The following CRACD variants were observed in gnomAD, a reference collection of about 807,000 sequenced individuals.
CRACD encodes capping protein inhibiting regulator of actin dynamics, also known as capping protein-inhibiting regulator of actin dynamics.
CRACD carries 56 observed loss-of-function variants against 106.8 expected under a neutral mutation model. That is an observed-to-expected ratio of 0.52 (90% CI 0.42 to 0.66). CRACD has a LOEUF of 0.66. CRACD is among the 30% of genes least tolerant of loss of function. The pLI, the probability that CRACD is intolerant of heterozygous loss-of-function variation, is 0.00. For synonymous variants in CRACD, 754 were observed against 670.8 expected, an observed-to-expected ratio of 1.12 and a Z score of -1.92; for missense variants, 1,730 against 1,623.2, an observed-to-expected ratio of 1.07 and a Z score of -1.13.
intron 9 of CRACD, 95 bp from the exon 10 acceptor site, chr4:56,324,009 G>C (rs1036487534): frequency 6.6e-6 from 9 of 1,373,410 alleles, no homozygotes; most frequent in African/African-American, 1.4e-5. Context: ...CAGAGGTCAG[G>C]GGCTGGCAGG....
chr4:56,152,191 T>G (rs1467733503), intron 1 of CRACD, among the ~76,000 whole-genome samples: 1 of 151,380 alleles, frequency 6.6e-6, no homozygotes, highest in Non-Finnish European at 1.5e-5. Context: ...TTGTATTTTT[T>G]TTTTTTTAGT....
intron 1 of CRACD, among the ~76,000 whole-genome samples, chr4:56,132,949 G>A (rs1734878187): frequency 6.6e-6 from 1 of 152,168 alleles, no homozygotes; most frequent in Non-Finnish European, 1.5e-5. Flanking sequence ...CCTCTGTGAG[G>A]CCAAGAGGCA....
At chr4:56,252,870 A>T (rs1024345343) in intron 2 of CRACD, among the ~76,000 whole-genome samples, 5 of 152,184 alleles carry the variant, frequency 3.3e-5, no homozygotes, top group Non-Finnish European at 5.9e-5. Context: ...TAAGAGTAGA[A>T]CCTCAGGACT....
At chr4:56,298,020 A>G (rs1213262384) in intron 3 of CRACD, 194 bp from the exon 4 acceptor site, 3 of 540,122 alleles carry the variant, frequency 5.6e-6, no homozygotes, top group African/African-American at 3.8e-5. Flanking sequence ...AACCAGGGCT[A>G]TGTAAGAGAT....
chr4:56,323,496 C>T lies in CRACD; in HGVS notation c.3307C>T (p.Gln1103Ter), dbSNP rs1746237582. 2 of 1,608,766 alleles carry T rather than the reference C, an allele frequency of 1.2e-6. No individual in the cohort carries two copies. Among genetic ancestry groups the T allele is most frequent in the Non-Finnish European group, 1.7e-6 (2 of 1,178,592 alleles). ...ALQKQKGFRE[Q>*]QATREERKQA... ...GCAAAAGCAAAAGGGGTTTCGGGAGCAGCAGGCGACGCGGGAGGAGAGAAA... is the reference window on the plus strand; with the variant it reads ...GCAAAAGCAAAAGGGGTTTCGGGAGTAGCAGGCGACGCGGGAGGAGAGAAA... Residue 1103 changes from glutamine to a stop codon, truncating the protein, a stop_gained, in exon 9 of 11, where the codon CAG becomes TAG. Transcript: ENST00000682029. LOFTEE classifies it high-confidence loss of function.
At chr4:56,190,945 A>T (rs1052577042) in intron 2 of CRACD, among the ~76,000 whole-genome samples, 1 of 152,000 alleles carries the variant, frequency 6.6e-6, no homozygotes. Flanking sequence ...TGATGCAATC[A>T]CCTCCTACCA....
At chr4:56,291,412 C>T (rs1331575519) in intron 3 of CRACD, among the ~76,000 whole-genome samples, 1 of 152,160 alleles carries the variant, frequency 6.6e-6, no homozygotes, top group Non-Finnish European at 1.5e-5. Flanking sequence ...ACCATGGTTC[C>T]ACCAAGCTCT....
intron 2 of CRACD, among the ~76,000 whole-genome samples, chr4:56,266,471 C>T (rs1203393344): frequency 1.3e-5 from 2 of 152,170 alleles, no homozygotes; most frequent in Non-Finnish European, 2.9e-5. Context: ...GCCCAACCAC[C>T]CAGCAAAAGT....
In CRACD at chr4:56,315,332, G is replaced by C; in HGVS notation, c.1830G>C (p.Leu610=). Residue 610 remains leucine, a synonymous_variant, in exon 8 of 11, where the codon CTG becomes CTC. Coordinates refer to ENST00000682029, the MANE Select transcript of CRACD (RefSeq NM_001393381.1). The surrounding 1 kb of genome is among the most constrained non-coding windows in gnomAD (Gnocchi z 4.1). The stretch of plus-strand genomic sequence containing the variant: ...AGCTCTGTGGCCCGGCAGTCAACCT[G>C]AGCCAGATCAAGGACACCGCGTGCA... ...GAQLCGPAVN[L]SQIKDTACKS... 6.2e-7 allele frequency: 1 copy of C among 1,613,926 alleles called. No individual in the cohort carries two copies. Among genetic ancestry groups the C allele is most frequent in the Non-Finnish European group, 8.5e-7 (1 of 1,179,964 alleles).
At chr4:56,135,246 C>G (rs1285164202) in intron 1 of CRACD, among the ~76,000 whole-genome samples, 2 of 152,154 alleles carry the variant, frequency 1.3e-5, no homozygotes, top group African/African-American at 2.4e-5. Context: ...GATTGTGCCA[C>G]TGCACTCAGC....
At chr4:56,153,910 C>T (rs1431375998) in intron 1 of CRACD, among the ~76,000 whole-genome samples, 2 of 152,230 alleles carry the variant, frequency 1.3e-5, no homozygotes, top group African/African-American at 2.4e-5. Context: ...ATGCAAGTTA[C>T]ATTTATCTCA....
At chr4:56,188,768 TG>T (rs1737218030) in intron 2 of CRACD, among the ~76,000 whole-genome samples, 1 of 151,306 alleles carries the variant, frequency 6.6e-6, no homozygotes, top group South Asian at 2.1e-4. Context: ...TTATAATTTT[TG>T]GTAAATATGT....
At chr4:56,211,151 A>G (rs1261391966) in intron 2 of CRACD, among the ~76,000 whole-genome samples, 3 of 152,216 alleles carry the variant, frequency 2.0e-5, no homozygotes, top group African/African-American at 7.2e-5. Context: ...AATGACCTTT[A>G]GTAAGATTTT....
At chr4:56,307,437 G>A (rs1357197801) in intron 4 of CRACD, 98 bp from the exon 5 acceptor site, 1 of 1,144,704 alleles carries the variant, frequency 8.7e-7, no homozygotes, top group Non-Finnish European at 1.3e-6. Context: ...TGTGCACAAG[G>A]TATGCCTCAG....
intron 1 of CRACD, among the ~76,000 whole-genome samples, chr4:56,167,181 T>C (rs1736185365): frequency 1.3e-5 from 2 of 152,256 alleles, no homozygotes; most frequent in South Asian, 4.1e-4. Flanking sequence ...AAATTATCAA[T>C]AGATTTATAA....
chr4:56,064,982 A>G (rs1204923518), intron 1 of CRACD, among the ~76,000 whole-genome samples: 2 of 152,156 alleles, frequency 1.3e-5, no homozygotes, highest in African/African-American at 4.8e-5. Flanking sequence ...GTTCAAGATG[A>G]CCAGCTGTGG....
intron 3 of CRACD, among the ~76,000 whole-genome samples, chr4:56,292,876 G>C (rs529787101): frequency 8.7e-4 from 133 of 152,132 alleles, no homozygotes; most frequent in African/African-American, 3.2e-3. Context: ...AAATTACCAA[G>C]CATCTAAGAA....
In CRACD at chr4:56,285,180, T is replaced by G. The variant is rs566379691; in HGVS notation, c.-17+12688T>G. ...TCAGATCTTGTGAGAACTCACTCAC[T>G]ATCACAAGAACAGCATGAGGGAAAT... is the stretch of plus-strand genomic sequence containing the variant. On this transcript the variant is annotated intron_variant, in intron 3 of 10. Transcript: ENST00000682029. 4.6e-5 allele frequency among the ~76,000 whole-genome samples: 7 copies of G among 152,240 alleles called. No individual in the cohort carries two copies. The South Asian group carries it at 1.5e-3, about 32-fold the overall frequency.
chr4:56,061,030 G>T (rs1323624135), intron 1 of CRACD, among the ~76,000 whole-genome samples: 2 of 152,212 alleles, frequency 1.3e-5, no homozygotes, highest in Non-Finnish European at 2.9e-5. Context: ...ACTAAGACAA[G>T]TGCTGACACT....
Sources: gnomAD v4.1 joint callset for allele counts (sites outside exome capture counted in the v4.1 genomes callset) on GRCh38, gnomAD v4.1.1 for gene constraint, Gnocchi (gnomAD v3.1) non-coding constraint, MANE v1.5 for transcripts, NCBI Gene and HGNC (gene_info 2026-07-23, HGNC 2026-07-21) for gene names.